The following PLXNA4 variants were observed in gnomAD, a reference collection of about 807,000 sequenced individuals.
The protein encoded by PLXNA4 is plexin-A4.
PLXNA4 carries 44 observed loss-of-function variants against 191.8 expected under a neutral mutation model. The ratio of observed to expected loss-of-function variants is 0.23; its 90% CI spans 0.18 to 0.29. PLXNA4 has a LOEUF of 0.29. Among genes scored for constraint, PLXNA4 ranks in the 10% least tolerant of loss-of-function variants. The pLI is 1.00. For synonymous variants in PLXNA4, 1,082 were observed against 1,009.5 expected, an observed-to-expected ratio of 1.07 and a Z score of -1.36; for missense variants, 1,800 against 2,488.8, an observed-to-expected ratio of 0.72 and a Z score of 5.89.
chr7:132,179,579 C>G (rs1796634698), intron 20 of PLXNA4, 108 bp downstream of exon 20: 1 of 1,477,600 alleles, frequency 6.8e-7, no homozygotes, highest in Admixed American at 2.0e-5. Context: ...GCTGCCCAGC[C>G]TGCTTGTTTG....
chr7:132,224,288 C>T (rs895609338), intron 8 of PLXNA4, among the ~76,000 whole-genome samples: 2 of 152,118 alleles, frequency 1.3e-5, no homozygotes, highest in Non-Finnish European at 2.9e-5. Flanking sequence ...GCTTTGGCCA[C>T]GAATAGGCCA....
chr7:132,389,342 C>A (rs949665831), intron 3 of PLXNA4, among the ~76,000 whole-genome samples: 29 of 152,216 alleles, frequency 1.9e-4, no homozygotes, highest in South Asian at 4.1e-4. Flanking sequence ...AGTCTTTGCC[C>A]ATGCCAATGT....
At chr7:132,300,256 C>T (rs1801253791) in intron 3 of PLXNA4, among the ~76,000 whole-genome samples, 1 of 151,958 alleles carries the variant, frequency 6.6e-6, no homozygotes, top group Non-Finnish European at 1.5e-5. Context: ...CTTTTCCTAC[C>T]ACCAGTTACA....
At chr7:132,246,887 A>G (rs1485031813) in intron 4 of PLXNA4, among the ~76,000 whole-genome samples, 3 of 152,148 alleles carry the variant, frequency 2.0e-5, no homozygotes, top group Non-Finnish European at 2.9e-5. Context: ...GGCCTAGCAC[A>G]GCAAGGCAAT....
intron 13 of PLXNA4, among the ~76,000 whole-genome samples, chr7:132,198,027 AC>A (rs889744971): frequency 6.6e-6 from 1 of 152,130 alleles, no homozygotes; most frequent in Admixed American, 6.5e-5. Context: ...GGGCCAGCAG[AC>A]TTTCAAAGAG....
intron 3 of PLXNA4, among the ~76,000 whole-genome samples, chr7:132,483,557 C>T (rs932676469): frequency 3.3e-5 from 5 of 152,180 alleles, no homozygotes; most frequent in South Asian, 2.1e-4. Flanking sequence ...TCCTCTAGTG[C>T]GTCTGACATT....
intron 8 of PLXNA4, among the ~76,000 whole-genome samples, chr7:132,224,088 C>A (rs1412941684): frequency 6.6e-6 from 1 of 152,190 alleles, no homozygotes; most frequent in Non-Finnish European, 1.5e-5. Flanking sequence ...TGCTGTCTCA[C>A]TACGATGGCT....
At chr7:132,560,150 A>G (rs1320356756) in intron 1 of PLXNA4, among the ~76,000 whole-genome samples, 1 of 152,174 alleles carries the variant, frequency 6.6e-6, no homozygotes, top group African/African-American at 2.4e-5. Context: ...TTTAATCACC[A>G]ATCTCTTAGC....
chr7:132,428,419 C>T (rs992056295), intron 3 of PLXNA4, among the ~76,000 whole-genome samples: 7 of 152,218 alleles, frequency 4.6e-5, no homozygotes, highest in Non-Finnish European at 8.8e-5. Context: ...CAATCCGATG[C>T]CAGGAGGCGA....
upstream of PLXNA4, chr7:132,576,995 CGGCCGCGCCGCGGCA>C (rs1391283530): frequency 2.7e-5 from 4 of 145,538 alleles, no homozygotes; most frequent in African/African-American, 5.0e-5. This position sits in a 1 kb window ranked among gnomAD's most constrained non-coding sequence, Gnocchi z 5.8. Flanking sequence ...AGCCCGCGGC[CGGCCGCGCCGCGGCA>C]GCCCCCACCC....
rs565890858 is a variant in PLXNA4 at position 132,451,725 on chromosome 7, G to A, written c.1371+37567C>T. Among the ~76,000 whole-genome samples, 4 of 152,324 alleles carry A rather than the reference G, an allele frequency of 2.6e-5. No homozygotes were observed. The East Asian group carries it at 5.8e-4, about 22-fold the overall frequency. On this transcript the variant is annotated intron_variant, in intron 3 of 31. Coordinates refer to ENST00000321063, the MANE Select transcript of PLXNA4 (RefSeq NM_020911.2). ...AAGAGCTTGGTCCACGGACTCCCAT[G>A]AGACTCCAAAAAGAGAAGGCAGTGC...
At chr7:132,374,744 T>A (rs1429660771) in intron 3 of PLXNA4, among the ~76,000 whole-genome samples, 3 of 152,180 alleles carry the variant, frequency 2.0e-5, no homozygotes, top group African/African-American at 4.8e-5. Context: ...ACTAGCAAAA[T>A]GAATCAGTGT....
intron 3 of PLXNA4, among the ~76,000 whole-genome samples, chr7:132,479,330 T>G (rs1797249935): frequency 6.8e-6 from 1 of 146,972 alleles, no homozygotes; most frequent in South Asian, 2.2e-4. Context: ...GCACTGGGAG[T>G]GTCAGAGGGC....
chr7:132,526,603 G>C (rs1799410979), intron 1 of PLXNA4, among the ~76,000 whole-genome samples: 1 of 152,212 alleles, frequency 6.6e-6, no homozygotes, highest in African/African-American at 2.4e-5. Flanking sequence ...GCTGCCTGTA[G>C]TGCATGTACT....
intron 29 of PLXNA4, among the ~76,000 whole-genome samples, chr7:132,144,804 G>T (rs1441490172): frequency 6.6e-6 from 1 of 152,216 alleles, no homozygotes; most frequent in African/African-American, 2.4e-5. Context: ...GGATGGGAGA[G>T]TGTCCTGGCC....
chr7:132,558,660 C>T (rs908093601), intron 1 of PLXNA4, among the ~76,000 whole-genome samples: 3 of 152,246 alleles, frequency 2.0e-5, no homozygotes, highest in Non-Finnish European at 1.5e-5. Context: ...CTCTCCTCCA[C>T]ACCCCCAACA....
chr7:132,247,715 T>A (rs1799107770), intron 4 of PLXNA4, among the ~76,000 whole-genome samples: 1 of 152,154 alleles, frequency 6.6e-6, no homozygotes, highest in Admixed American at 6.5e-5. Flanking sequence ...AGGGACCACA[T>A]AAAGGTTTTG....
chr7:132,632,225 G>A (rs1312119030), intron 2 of PLXNA4, among the ~76,000 whole-genome samples: 1 of 104,762 alleles, frequency 9.5e-6, no homozygotes, highest in Non-Finnish European at 1.7e-5. Flanking sequence ...AACAGAGCTA[G>A]ACTCCATCTC....
At chr7:132,646,789 C>G (rs1803877735) in intron 1 of PLXNA4, among the ~76,000 whole-genome samples, 1 of 152,102 alleles carries the variant, frequency 6.6e-6, no homozygotes, top group African/African-American at 2.4e-5. Flanking sequence ...GAACTAGGAC[C>G]CAATTCCCAA....
Sources: gnomAD v4.1 joint callset for allele counts (sites outside exome capture counted in the v4.1 genomes callset) on GRCh38, gnomAD v4.1.1 for gene constraint, Gnocchi (gnomAD v3.1) non-coding constraint, MANE v1.5 for transcripts, NCBI Gene and HGNC (gene_info 2026-07-23, HGNC 2026-07-21) for gene names.